CUBN: variants seen among roughly 807,000 people sequenced by gnomAD.
CUBN encodes 460 kDa receptor.
A neutral mutation model predicts 405.3 loss-of-function variants in CUBN; 282 were observed. That is an observed-to-expected ratio of 0.70 (90% CI 0.63 to 0.77). CUBN has a LOEUF of 0.77. CUBN is among the 30% of genes least tolerant of loss of function. The probability of loss-of-function intolerance (pLI) is 0.00; values close to 1 mark genes in which losing one functional copy is unlikely to be tolerated. For missense variants in CUBN, 4,514 were observed against 4,475.2 expected (o/e 1.01, Z -0.25); for synonymous variants, 1,684 against 1,617.0 (o/e 1.04, Z -0.99).
intron 28 of CUBN, among the ~76,000 whole-genome samples, chr10:16,992,297 G>A (rs968147624): frequency 2.0e-5 from 3 of 152,130 alleles, no homozygotes; most frequent in Non-Finnish European, 4.4e-5. Context: ...TGTAAATGAC[G>A]AGTTAATGGG....
chr10:16,884,349 AGAAG>A (rs1840750168), intron 56 of CUBN, among the ~76,000 whole-genome samples: 1 of 152,004 alleles, frequency 6.6e-6, no homozygotes, highest in Admixed American at 6.6e-5. Flanking sequence ...TTTTGCCTCA[AGAAG>A]TGCTTTATCT....
rs1839164199 is a variant in CUBN at position 16,836,268 on chromosome 10, T to A, written c.10147A>T (p.Asn3383Tyr). 2 of 1,614,098 alleles carry A rather than the reference T, an allele frequency of 1.2e-6. No individual in the cohort carries two copies. Among genetic ancestry groups the A allele is most frequent in the South Asian group, 2.2e-5 (2 of 91,088 alleles). The change falls in exon 63 of 67, where the codon AAC (asparagine) becomes TAC (tyrosine). Residue 3383 changes from asparagine (N) to tyrosine (Y), a missense_variant. Transcript: ENST00000377833. ...TGATAGGTGAAACTCATTCTAGAGT[T>A]TCTGTTTACAACTCCAGATTTGAAA... is the stretch of plus-strand genomic sequence containing the variant. ...VIFKSGVVNR[N>Y]SRMSFTYQIA...
intron 28 of CUBN, among the ~76,000 whole-genome samples, chr10:17,004,861 G>C (rs61842771): frequency 0.013 from 1,911 of 151,884 alleles, 6 homozygotes; most frequent in Non-Finnish European, 0.018. Context: ...GTAGAGATGG[G>C]GTGGGCCAGG....
chr10:16,941,169 G>A (rs1261202770), intron 36 of CUBN, among the ~76,000 whole-genome samples: 6 of 152,138 alleles, frequency 3.9e-5, no homozygotes, highest in Admixed American at 3.9e-4. Flanking sequence ...ACAAATGGAT[G>A]AATGGAATAG....
chr10:17,117,461 G>A (rs1005285743), intron 6 of CUBN, among the ~76,000 whole-genome samples: 7 of 152,110 alleles, frequency 4.6e-5, no homozygotes, highest in South Asian at 2.1e-4. Context: ...TGCAACCTCC[G>A]CCTCCCAGGT....
At chr10:17,014,491 C>G (rs1259934280) in intron 28 of CUBN, among the ~76,000 whole-genome samples, 1 of 152,148 alleles carries the variant, frequency 6.6e-6, no homozygotes, top group East Asian at 1.9e-4. Context: ...TTCCAAGGAA[C>G]CCCCACAACT....
intron 31 of CUBN, among the ~76,000 whole-genome samples, chr10:16,964,342 G>A (rs190207781): frequency 2.2e-4 from 33 of 152,156 alleles, no homozygotes; most frequent in African/African-American, 6.3e-4. Context: ...ATTACAGCAC[G>A]TCCATTTCAT....
In CUBN at chr10:17,122,904, A is replaced by C; in HGVS notation, c.490-6T>G. On this transcript the variant is annotated splice_region_variant and splice_polypyrimidine_tract_variant and intron_variant, in intron 5 of 66. Transcript: ENST00000377833. ...TCAGCTGAGCAGAGAGGACCCTGTG[A>C]TCATATAAGGAACAAAGTCAGGTGC... is the stretch of plus-strand genomic sequence containing the variant. 6.2e-7 allele frequency: 1 copy of C among 1,607,572 alleles called. No individual in the cohort carries two copies. The highest frequency in any genetic ancestry group is 8.5e-7 in the Non-Finnish European group (1 of 1,174,056).
intron 27 of CUBN, among the ~76,000 whole-genome samples, chr10:17,022,401 C>CT (rs1184317301): frequency 6.6e-6 from 1 of 152,072 alleles, no homozygotes; most frequent in African/African-American, 2.4e-5. Flanking sequence ...CTGTAGCTTC[C>CT]TTTTTTTCTG....
intron 22 of CUBN, among the ~76,000 whole-genome samples, chr10:17,058,678 A>G (rs1835444381): frequency 6.6e-6 from 1 of 152,006 alleles, no homozygotes; most frequent in African/African-American, 2.4e-5. Context: ...CTATCACTGA[A>G]CTCTATAGAT....
At chr10:16,877,268 C>T (rs1303042670) in intron 56 of CUBN, among the ~76,000 whole-genome samples, 171 bp from the exon 57 acceptor site, 1 of 152,188 alleles carries the variant, frequency 6.6e-6, no homozygotes, top group African/African-American at 2.4e-5. Context: ...ACTCTAACTA[C>T]AAAACAAGCA....
chr10:17,071,421 C>T lies in CUBN; in HGVS notation c.2625+5G>A, dbSNP rs1203711247. 2 of 1,613,732 alleles carry T rather than the reference C, an allele frequency of 1.2e-6. No individual in the cohort carries two copies. The highest frequency in any genetic ancestry group is 1.7e-6 in the Non-Finnish European group (2 of 1,179,802). On this transcript the variant is annotated splice_donor_5th_base_variant and intron_variant, in intron 19 of 66. Transcript: ENST00000377833. ...ATACAAATTCAAAGATTTTTTCCCT[C>T]TTACCTCAACATAATCTGTTTCACA...
In CUBN at chr10:16,907,540, A is replaced by C. The variant is rs1841587660; in HGVS notation, c.7673T>G (p.Phe2558Cys). ...FTDGSRPYGG[F>C]TASYTSSEDA... ...TTCACTGGAGGTATAGGAAGCAGTG[A>C]AGCCGCCATATGGCCTGGATCCATC... Residue 2558 changes from phenylalanine to cysteine, a missense_variant, in exon 49 of 67, where the codon TTC becomes TGC. Around this residue, in one of 5 missense-constraint regions of CUBN, gnomAD observed 1,613 missense variants for 1,542.8 expected, o/e 1.05. Transcript: ENST00000377833. 1 of 1,614,044 alleles carries C rather than the reference A, an allele frequency of 6.2e-7. No homozygotes were observed. Among genetic ancestry groups the C allele is most frequent in the African/African-American group, 1.3e-5 (1 of 74,924 alleles).
At chr10:16,972,234 A>G (rs1298094141) in intron 31 of CUBN, among the ~76,000 whole-genome samples, 3 of 152,098 alleles carry the variant, frequency 2.0e-5, no homozygotes, top group African/African-American at 4.8e-5. Context: ...TCTTGGTAAA[A>G]TACTCCTAAA....
intron 64 of CUBN, among the ~76,000 whole-genome samples, chr10:16,834,688 C>T (rs1429889806): frequency 1.3e-5 from 2 of 152,124 alleles, no homozygotes; most frequent in African/African-American, 4.8e-5. Context: ...ACATATTGCC[C>T]TCTTGAGCCT....
At position 16,969,480 on chromosome 10, in the gene CUBN, G is replaced by A. The variant is rs143829877; in HGVS notation, c.4695+13004C>T. 7.2e-3 allele frequency among the ~76,000 whole-genome samples: 1,094 copies of A among 152,100 alleles called. 21 individuals carry two copies. Among genetic ancestry groups the A allele is most frequent in the African/African-American group, 0.025 (1,035 of 41,498 alleles). ...AGTGATTCTCCTGCCTTAGCCTCCCGAGTAGCTGGGACTACAGGTATGCAC... is the reference window on the plus strand; with the variant it reads ...AGTGATTCTCCTGCCTTAGCCTCCCAAGTAGCTGGGACTACAGGTATGCAC... On this transcript the variant is annotated intron_variant, in intron 31 of 66. Coordinates refer to ENST00000377833, the MANE Select transcript of CUBN (RefSeq NM_001081.4).
In CUBN at chr10:17,088,267, T is replaced by C. The variant is rs554157278; in HGVS notation, c.1844A>G (p.Asp615Gly). The change falls in exon 15 of 67, where the codon GAT becomes GGT. Residue 615 changes from aspartate (D) to glycine (G), a missense_variant. Asp to Gly is a moderately conservative substitution (Grantham distance 94, BLOSUM62 -1). Around this residue, in one of 5 missense-constraint regions of CUBN, gnomAD observed 1,448 missense variants for 1,388.0 expected, o/e 1.04. Coordinates refer to ENST00000377833, the MANE Select transcript of CUBN (RefSeq NM_001081.4). The stretch of plus-strand genomic sequence containing the variant: ...ACTAGTTACAACAATCCAGACACAA[T>C]CTCTTCCTGGGGGATAGTTTCCAGG... The part of the protein sequence containing the change: ...GYPGNYPPGR[D>G]CVWIVVTSPD... 1.3e-4 allele frequency: 216 copies of C among 1,613,536 alleles called. No homozygotes were observed. Among genetic ancestry groups the C allele is most frequent in the Non-Finnish European group, 1.8e-4 (209 of 1,179,662 alleles).
In CUBN at chr10:17,123,642, T is replaced by C. The variant is rs1412130743; in HGVS notation, c.435A>G (p.Gly145=). 2 of 1,614,062 alleles carry C rather than the reference T, an allele frequency of 1.2e-6. No homozygotes were observed. The highest frequency in any genetic ancestry group is 1.7e-6 in the Non-Finnish European group (2 of 1,179,994). ...VCSSNPCQNG[G]TCLNLHDSFF... ...AGGAATCATGCAGATTGAGGCAGGT[T>C]CCACCATTCTGGCAAGGATTGCTGC... Residue 145 remains glycine (G), a synonymous_variant, in exon 5 of 67, where the codon GGA becomes GGG. Transcript: ENST00000377833.
chr10:17,125,118 C>T (rs569490858), intron 4 of CUBN, among the ~76,000 whole-genome samples: 1 of 152,278 alleles, frequency 6.6e-6, no homozygotes, highest in South Asian at 2.1e-4. Flanking sequence ...AGGCGTGAGC[C>T]ACCGTACCCA....
Sources: gnomAD v4.1 joint callset for allele counts (sites outside exome capture counted in the v4.1 genomes callset) on GRCh38, gnomAD v4.1.1 for gene constraint, gnomAD v4.1.1 regional missense constraint, MANE v1.5 for transcripts, NCBI Gene and HGNC (gene_info 2026-07-23, HGNC 2026-07-21) for gene names.